PTPMT1: variants seen among roughly 807,000 people sequenced by gnomAD.
The protein encoded by PTPMT1 is phosphatidylglycerophosphatase and protein-tyrosine phosphatase 1.
A neutral mutation model predicts 17.8 loss-of-function variants in PTPMT1; 12 were observed. The ratio of observed to expected loss-of-function variants is 0.67; its 90% confidence interval spans 0.43 to 1.09. PTPMT1 has a LOEUF of 1.09. Ranked by LOEUF, PTPMT1 falls within the 50% of genes least tolerant of loss-of-function variation. The pLI, the probability that PTPMT1 is intolerant of heterozygous loss-of-function variation, is 0.00. For synonymous variants in PTPMT1, 132 were observed against 116.8 expected (o/e 1.13, Z -0.84); for missense variants, 262 against 266.0 (o/e 0.99, Z 0.10).
intron 3 of PTPMT1, among the ~76,000 whole-genome samples, 193 bp from the exon 4 acceptor site, chr11:47,571,278 T>C (rs1383163762): frequency 6.6e-6 from 1 of 152,160 alleles, no homozygotes; most frequent in Non-Finnish European, 1.5e-5. Flanking sequence ...TGCATAGTAT[T>C]GTGAGACTGG....
intron 2 of PTPMT1, among the ~76,000 whole-genome samples, chr11:47,566,555 G>A (rs1053845339): frequency 6.7e-6 from 1 of 148,898 alleles, no homozygotes; most frequent in South Asian, 2.1e-4. Flanking sequence ...CAAATGTAAT[G>A]TATTCTTATT....
rs531826303 is a variant in PTPMT1, at chr11:47,565,803, C to T, written c.174+7C>T. On this transcript the variant is annotated splice_region_variant and intron_variant, in intron 1 of 3. Transcript: ENST00000326674. ...GCGGAGCTTGACGCGCCAGGTGAGC[C>T]GGGCCGGGGAGCCCGGGCCCCTGCC... The T allele has an allele frequency of 3.8e-6, 6 of 1,586,392 alleles. No individual in the cohort carries two copies. Among genetic ancestry groups the T allele is most frequent in the East Asian group, 2.3e-5 (1 of 43,016 alleles).
At chr11:47,569,952 G>T in intron 3 of PTPMT1, 61 bp downstream of exon 3, 1 of 1,398,554 alleles carries the variant, frequency 7.2e-7, no homozygotes, top group South Asian at 1.3e-5. Flanking sequence ...AGCACTTTGG[G>T]AGGCTTGAGA....
chr11:47,567,861 C>T (rs1464238639), intron 2 of PTPMT1, among the ~76,000 whole-genome samples: 1 of 151,996 alleles, frequency 6.6e-6, no homozygotes, highest in African/African-American at 2.4e-5. Flanking sequence ...ACCTGGCCAC[C>T]TATTTCTTCT....
intron 2 of PTPMT1, among the ~76,000 whole-genome samples, chr11:47,566,187 C>A (rs1254765453): frequency 6.6e-6 from 1 of 152,002 alleles, no homozygotes; most frequent in Non-Finnish European, 1.5e-5. Context: ...TTTAAAAGTT[C>A]AAGTTGGGCC....
rs747003985 is a variant in PTPMT1 at position 47,565,908 on chromosome 11, G to A, written c.177G>A (p.Leu59=). 2.4e-5 allele frequency: 38 copies of A among 1,612,394 alleles called. No homozygotes were observed. The South Asian group carries it at 4.0e-4, about 17-fold the overall frequency. The change falls in exon 2 of 4, where the codon CTG becomes CTA. Residue 59 remains leucine, a splice_region_variant and synonymous_variant. Coordinates refer to ENST00000326674, the MANE Select transcript of PTPMT1 (RefSeq NM_175732.3). ...ALPLRSLTRQ[L]VQDENVRGVI... ...GAGCCACCTCTTTGCCTCGGCAGCTGGTACAGGACGAGAACGTGCGCGGGG... is the reference window on the plus strand; with the variant it reads ...GAGCCACCTCTTTGCCTCGGCAGCTAGTACAGGACGAGAACGTGCGCGGGG...
At chr11:47,568,725 CTT>C (rs1018088598) in intron 2 of PTPMT1, among the ~76,000 whole-genome samples, 15 of 152,062 alleles carry the variant, frequency 9.9e-5, no homozygotes, top group African/African-American at 2.4e-4. Flanking sequence ...TTGTTTTGCT[CTT>C]GTCTCCCAGG....
In PTPMT1 at chr11:47,571,856, G is replaced by T. The variant is rs1050258522; in HGVS notation, c.*227G>T. 4 of 468,408 alleles carry T rather than the reference G, an allele frequency of 8.5e-6. No homozygotes were observed. Among genetic ancestry groups the T allele is most frequent in the South Asian group, 3.3e-5 (1 of 29,884 alleles). 29.0% of individuals were successfully genotyped at this position (468,408 alleles called of 1,614,324 possible). A position where few individuals can be genotyped will look rare whatever the true frequency, so the allele number is the denominator to read the frequency against. Reference sequence around the variant, plus strand: ...CTTGTATTCATGGGATACAGGACAGGGATGGGGCTATCATCTTTTCTTGAA... The same window carrying T: ...CTTGTATTCATGGGATACAGGACAGTGATGGGGCTATCATCTTTTCTTGAA... On this transcript the variant is annotated 3_prime_UTR_variant, in exon 4 of 4. Transcript: ENST00000326674.
chr11:47,572,680 G>T lies in PTPMT1; in HGVS notation c.*1051G>T. ...AGAAAAGGCTTGCTCTAAGCAAGCTGTGGTGAGGCACAGGATGACTAGGGA... is the reference window on the plus strand; with the variant it reads ...AGAAAAGGCTTGCTCTAAGCAAGCTTTGGTGAGGCACAGGATGACTAGGGA... On this transcript the variant is annotated 3_prime_UTR_variant, in exon 4 of 4. Coordinates refer to ENST00000326674, the MANE Select transcript of PTPMT1 (RefSeq NM_175732.3). The T allele has an allele frequency of 1.9e-6, 1 of 534,132 alleles. No homozygotes were observed. The highest frequency in any genetic ancestry group is 3.4e-5 in the Admixed American group (1 of 29,596). 33.1% of individuals were successfully genotyped at this position (534,132 alleles called of 1,614,324 possible). A position where few individuals can be genotyped will look rare whatever the true frequency, so the allele number is the denominator to read the frequency against.
chr11:47,568,696 T>C (rs1047858081), intron 2 of PTPMT1, among the ~76,000 whole-genome samples: 2 of 151,900 alleles, frequency 1.3e-5, no homozygotes, highest in Non-Finnish European at 2.9e-5. Context: ...AAATAAAATA[T>C]ATATATATTT....
At chr11:47,569,948 T>G (rs2097248656) in intron 3 of PTPMT1, 57 bp downstream of exon 3, 2 of 1,421,788 alleles carry the variant, frequency 1.4e-6, no homozygotes, top group African/African-American at 2.8e-5. Flanking sequence ...TCCCAGCACT[T>G]TGGGAGGCTT....
chr11:47,568,303 A>G (rs1343642524), intron 2 of PTPMT1, among the ~76,000 whole-genome samples: 1 of 152,190 alleles, frequency 6.6e-6, no homozygotes, highest in Non-Finnish European at 1.5e-5. Context: ...ACTTATGGAC[A>G]GAGAAATAGA....
At chr11:47,571,091 T>C (rs2097249380) in intron 3 of PTPMT1, among the ~76,000 whole-genome samples, 1 of 152,206 alleles carries the variant, frequency 6.6e-6, no homozygotes. Flanking sequence ...CATAAAAACA[T>C]CTATTGCATA....
In PTPMT1 at chr11:47,572,949, A is replaced by T. The variant is rs774788281; in HGVS notation, c.*1320A>T. Reference sequence around the variant, plus strand: ...ACAGCCTTAGGCCAACACAAACTGCAAATTGGTAAGCAGCACCTTAATACC... The same window carrying T: ...ACAGCCTTAGGCCAACACAAACTGCTAATTGGTAAGCAGCACCTTAATACC... On this transcript the variant is annotated 3_prime_UTR_variant, in exon 4 of 4. Transcript: ENST00000326674. The T allele has an allele frequency of 6.2e-7, 1 of 1,613,896 alleles. No individual in the cohort carries two copies. The highest frequency in any genetic ancestry group is 8.5e-7 in the Non-Finnish European group (1 of 1,179,808).
At chr11:47,568,003 T>C (rs922852117) in intron 2 of PTPMT1, among the ~76,000 whole-genome samples, 1 of 151,440 alleles carries the variant, frequency 6.6e-6, no homozygotes, top group East Asian at 2.0e-4. Flanking sequence ...CACTGCAAGC[T>C]CCGCCTCCTG....
rs2097249898 is a variant in PTPMT1, at chr11:47,571,777, T to A, written c.*148T>A. The A allele has an allele frequency of 1.4e-6, 1 of 718,310 alleles. No homozygotes were observed. The highest frequency in any genetic ancestry group is 2.6e-5 in the Admixed American group (1 of 38,760). 44.5% of individuals were successfully genotyped at this position (718,310 alleles called of 1,614,324 possible). A position where few individuals can be genotyped will look rare whatever the true frequency, so the allele number is the denominator to read the frequency against. On this transcript the variant is annotated 3_prime_UTR_variant, in exon 4 of 4. Coordinates refer to ENST00000326674, the MANE Select transcript of PTPMT1 (RefSeq NM_175732.3). The stretch of plus-strand genomic sequence containing the variant: ...TAATTTTTCTTTCTCTGACTTGTTT[T>A]GTTTTCTTGAAATAACACTGTTGTG...
chr11:47,569,855 C>T lies in PTPMT1; in HGVS notation c.411C>T (p.Ser137=). Residue 137 remains serine, a synonymous_variant, in exon 3 of 4, where the codon TCC becomes TCT. Transcript: ENST00000326674. The stretch of plus-strand genomic sequence containing the variant: ...ACGTGCATTGTAAGGCTGGGCGCTC[C>T]AGGAGTGCCACTATGGTGGCAGCAT... ...CVYVHCKAGR[S]RSATMVAAYL... is the part of the protein sequence containing the mutation. The T allele has an allele frequency of 1.2e-6, 2 of 1,613,608 alleles. No individual in the cohort carries two copies. Among genetic ancestry groups the T allele is most frequent in the Non-Finnish European group, 1.7e-6 (2 of 1,179,976 alleles).
At chr11:47,567,834 C>T (rs933677012) in intron 2 of PTPMT1, among the ~76,000 whole-genome samples, 17 of 152,178 alleles carry the variant, frequency 1.1e-4, no homozygotes, top group African/African-American at 3.1e-4. Flanking sequence ...TCTGGGATTA[C>T]AGGCGTGAGC....
chr11:47,570,241 A>G lies in PTPMT1; in HGVS notation c.447+350A>G, dbSNP rs115928589. On this transcript the variant is annotated intron_variant, in intron 3 of 3. Coordinates refer to ENST00000326674, the MANE Select transcript of PTPMT1 (RefSeq NM_175732.3). ...CTGGTCCCATTTATAGCAGATTTCCAGAACTTCAATAGCATGGTCTACTGG... is the reference window on the plus strand; with the variant it reads ...CTGGTCCCATTTATAGCAGATTTCCGGAACTTCAATAGCATGGTCTACTGG... Among the ~76,000 whole-genome samples the G allele has an allele frequency of 4.6e-3, 700 of 151,076 alleles. 3 individuals are homozygous for G. The highest frequency in any genetic ancestry group is 0.016 in the African/African-American group (640 of 41,144).
Sources: gnomAD v4.1 joint callset for allele counts (sites outside exome capture counted in the v4.1 genomes callset) on GRCh38, gnomAD v4.1.1 for gene constraint, MANE v1.5 for transcripts, NCBI Gene and HGNC (gene_info 2026-07-23, HGNC 2026-07-21) for gene names.